The following SDHAF3 variants were observed in gnomAD, a reference collection of about 807,000 sequenced individuals.
SDHAF3 encodes the protein succinate dehydrogenase assembly factor 3, mitochondrial.
Under a neutral mutation model 11.5 loss-of-function variants are expected in SDHAF3, and 18 were observed. That is an observed-to-expected ratio of 1.56 (90% confidence interval 1.08 to 2.32). SDHAF3 has a LOEUF of 2.32. Among genes scored for constraint, SDHAF3 ranks in the 30% most tolerant of loss-of-function variants. The pLI, the probability that SDHAF3 is intolerant of heterozygous loss-of-function variation, is 0.00. For synonymous variants in SDHAF3, 72 were observed against 59.3 expected, an observed-to-expected ratio of 1.21 and a Z score of -0.99; for missense variants, 200 against 154.4, an observed-to-expected ratio of 1.30 and a Z score of -1.57.
intron 1 of SDHAF3, among the ~76,000 whole-genome samples, chr7:97,170,287 A>T (rs1486968819): frequency 2.0e-5 from 3 of 152,180 alleles, no homozygotes; most frequent in Admixed American, 1.3e-4. Flanking sequence ...TAATATTACT[A>T]AAGAATAAAT....
chr7:97,118,016 C>A, intron 1 of SDHAF3, 119 bp downstream of exon 1: 1 of 1,227,068 alleles, frequency 8.1e-7, no homozygotes, highest in Non-Finnish European at 1.1e-6. Context: ...TTTGAAATAG[C>A]GTAATGCTGT....
chr7:97,142,046 T>TTTTTTTTTTG (rs1789056634), intron 1 of SDHAF3, among the ~76,000 whole-genome samples: 2 of 93,838 alleles, frequency 2.1e-5, no homozygotes, highest in Admixed American at 1.1e-4. Context: ...TGTTGTCTTT[T>TTTTTTTTTTG]TTTTTTTTTT....
intron 1 of SDHAF3, among the ~76,000 whole-genome samples, chr7:97,149,184 G>A (rs1409597556): frequency 6.6e-6 from 1 of 151,822 alleles, no homozygotes; most frequent in Non-Finnish European, 1.5e-5. Flanking sequence ...CGATTCTTCC[G>A]CTTTGTCTTC....
chr7:97,141,991 A>G (rs1000496170), intron 1 of SDHAF3, among the ~76,000 whole-genome samples: 2 of 150,306 alleles, frequency 1.3e-5, no homozygotes, highest in Non-Finnish European at 2.9e-5. Context: ...CAAATATGCT[A>G]ATTACCACAG....
intron 1 of SDHAF3, among the ~76,000 whole-genome samples, chr7:97,167,394 CTG>C (rs2115731407): frequency 6.6e-6 from 1 of 152,298 alleles, no homozygotes; most frequent in South Asian, 2.1e-4. Flanking sequence ...GGCTACCAAA[CTG>C]TGAGTCAAAG....
chr7:97,136,471 A>C, intron 1 of SDHAF3: 1 of 641,732 alleles, frequency 1.6e-6, no homozygotes, highest in Non-Finnish European at 2.8e-6. Context: ...ACTTTCAGTA[A>C]GTAAGACCTG....
At chr7:97,178,557 C>T (rs535185037) in intron 1 of SDHAF3, among the ~76,000 whole-genome samples, 266 of 152,230 alleles carry the variant, frequency 1.7e-3, no homozygotes, top group African/African-American at 6.0e-3. Context: ...TTATAGTAGA[C>T]ATCTTAGGGT....
At chr7:97,122,964 A>C (rs564556597) in intron 1 of SDHAF3, among the ~76,000 whole-genome samples, 2 of 151,632 alleles carry the variant, frequency 1.3e-5, no homozygotes, top group East Asian at 3.9e-4. Context: ...CTACTGCTGC[A>C]ATGGAAGTAC....
intron 1 of SDHAF3, among the ~76,000 whole-genome samples, chr7:97,178,712 CT>C (rs1397919474): frequency 6.6e-6 from 1 of 151,968 alleles, no homozygotes; most frequent in African/African-American, 2.4e-5. Context: ...GGCTATTTGT[CT>C]TTTAGTTGTG....
chr7:97,179,414 T>C (rs1789735916), intron 1 of SDHAF3, among the ~76,000 whole-genome samples: 2 of 152,246 alleles, frequency 1.3e-5, no homozygotes, highest in African/African-American at 4.8e-5. Context: ...GTGACATCTT[T>C]ATTATCATCT....
chr7:97,134,289 CAA>C (rs1791714138), intron 1 of SDHAF3, among the ~76,000 whole-genome samples: 1 of 152,154 alleles, frequency 6.6e-6, no homozygotes, highest in African/African-American at 2.4e-5. Context: ...TCATGGGCCT[CAA>C]GAGTTTGTGA....
At chr7:97,145,866 A>G (rs1285345088) in intron 1 of SDHAF3, among the ~76,000 whole-genome samples, 1 of 152,164 alleles carries the variant, frequency 6.6e-6, no homozygotes, top group Admixed American at 6.6e-5. Flanking sequence ...CAAAACCCCA[A>G]CAGAGAGAGA....
At chr7:97,165,651 T>G (rs928148253) in intron 1 of SDHAF3, among the ~76,000 whole-genome samples, 2 of 152,178 alleles carry the variant, frequency 1.3e-5, no homozygotes. Context: ...ATTCTGATAT[T>G]TAGATTTGCA....
intron 1 of SDHAF3, among the ~76,000 whole-genome samples, chr7:97,175,006 TTTTG>T (rs1367661819): frequency 2.6e-5 from 4 of 152,172 alleles, no homozygotes; most frequent in Non-Finnish European, 4.4e-5. Flanking sequence ...AGGTGTATTT[TTTTG>T]TTTGTTTTTG....
At chr7:97,130,372 C>G (rs1584210447) in intron 1 of SDHAF3, among the ~76,000 whole-genome samples, 2 of 152,038 alleles carry the variant, frequency 1.3e-5, no homozygotes, top group African/African-American at 2.4e-5. Context: ...AACAAGACAG[C>G]TTATTTCTGC....
At position 97,136,338 on chromosome 7, in the gene SDHAF3, G is replaced by C. The variant is rs752441269; in HGVS notation, c.174+18441G>C. On this transcript the variant is annotated intron_variant, in intron 1 of 1. Coordinates refer to ENST00000432641, the MANE Select transcript of SDHAF3 (RefSeq NM_020186.3). Reference sequence around the variant, plus strand: ...AAAGTGAATTATCAACCTGTAATTTGTTTCTTTGTGTAAACCTGTATTTGC... The same window carrying C: ...AAAGTGAATTATCAACCTGTAATTTCTTTCTTTGTGTAAACCTGTATTTGC... 7.5e-6 allele frequency: 4 copies of C among 532,500 alleles called. No individual in the cohort carries two copies. In the South Asian group the frequency reaches 1.1e-4, roughly 14 times the overall value. The allele number at this position is 532,500 out of a possible 1,614,324, so 33.0% of individuals were successfully genotyped here.
intron 1 of SDHAF3, among the ~76,000 whole-genome samples, chr7:97,121,863 T>TG (rs1360454857): frequency 2.8e-5 from 4 of 145,384 alleles, no homozygotes; most frequent in African/African-American, 1.1e-4. Flanking sequence ...TGTTTTTTTT[T>TG]TTTTTGTTTT....
At chr7:97,157,857 C>T (rs1789328150) in intron 1 of SDHAF3, among the ~76,000 whole-genome samples, 1 of 150,850 alleles carries the variant, frequency 6.6e-6, no homozygotes, top group Non-Finnish European at 1.5e-5. Context: ...AGCAAACTAT[C>T]CCAAGGACAA....
intron 1 of SDHAF3, among the ~76,000 whole-genome samples, chr7:97,119,044 T>G (rs1192787517): frequency 6.6e-6 from 1 of 152,230 alleles, no homozygotes; most frequent in Non-Finnish European, 1.5e-5. Flanking sequence ...AGATTCAGTC[T>G]CTGACATTTT....
Sources: gnomAD v4.1 joint callset for allele counts (sites outside exome capture counted in the v4.1 genomes callset) on GRCh38, gnomAD v4.1.1 for gene constraint, MANE v1.5 for transcripts, NCBI Gene and HGNC (gene_info 2026-07-23, HGNC 2026-07-21) for gene names.